Variants in ZNF37A observed in about 807,000 individuals in gnomAD.
ZNF37A encodes the protein zinc finger protein 37a (KOX 21).
Under a neutral mutation model 12.3 loss-of-function variants are expected in ZNF37A, and 10 were observed. That is an observed-to-expected ratio of 0.82 (90% CI 0.50 to 1.38). The LOEUF is 1.38. Among genes scored for constraint, ZNF37A ranks in the 40% most tolerant of loss-of-function variants. The probability of loss-of-function intolerance (pLI) is 0.00; values close to 1 mark genes in which losing one functional copy is unlikely to be tolerated. For missense variants in ZNF37A, 580 were observed against 651.2 expected, an observed-to-expected ratio of 0.89 and a Z score of 1.19; for synonymous variants, 207 against 223.0, an observed-to-expected ratio of 0.93 and a Z score of 0.64.
chr10:38,105,820 T>A (rs531629694), intron 5 of ZNF37A, among the ~76,000 whole-genome samples: 18 of 152,312 alleles, frequency 1.2e-4, no homozygotes, highest in Middle Eastern at 3.4e-3. Context: ...GTATTTTTTT[T>A]AAAAAAACCT....
At chr10:38,097,964 A>C (rs2067279858) in intron 5 of ZNF37A, among the ~76,000 whole-genome samples, 1 of 152,208 alleles carries the variant, frequency 6.6e-6, no homozygotes, top group African/African-American at 2.4e-5. Flanking sequence ...CTTAATAAGC[A>C]GTTGCTCCCT....
rs548225241 is a variant in ZNF37A at position 38,143,122 on chromosome 10, A to C, written c.239-3610A>C. 3 of 151,656 alleles carry C rather than the reference A, an allele frequency of 2.0e-5. No individual in the cohort carries two copies. In the South Asian group the frequency reaches 6.3e-4, roughly 32 times the overall value. 9.4% of individuals were successfully genotyped at this position (151,656 alleles called of 1,614,324 possible). A position where few individuals can be genotyped will look rare whatever the true frequency, so the allele number is the denominator to read the frequency against. On this transcript the variant is annotated intron_variant, in intron 7 of 7. Transcript: ENST00000638053. ...TGGCAGCCCACAGTGTGGATCTGGG[A>C]TACACAGGGTGAGCACAGGCTGTAG...
At position 38,145,680 on chromosome 10, in the gene ZNF37A, G is replaced by A. The variant is rs145552607; in HGVS notation, c.239-1052G>A. Among the ~76,000 whole-genome samples the A allele has an allele frequency of 9.2e-4, 140 of 152,278 alleles. No individual in the cohort carries two copies. The Middle Eastern group carries it at 0.01, about 11-fold the overall frequency. On this transcript the variant is annotated intron_variant, in intron 7 of 7. Coordinates refer to the ZNF37A transcript ENST00000638053. ...GTGCCTATACAGTTCATATTGGCTG[G>A]GGGCTCAGTCACTGTGGCAGATTTA...
In ZNF37A at chr10:38,118,107, G is replaced by T. The variant is rs1474627319; in HGVS notation, c.956G>T (p.Arg319Ile). Residue 319 changes from arginine to isoleucine, a missense_variant, in exon 8 of 8, where the codon AGA (arginine) becomes ATA (isoleucine). Coordinates refer to ENST00000685332, the MANE Select transcript of ZNF37A (RefSeq NM_001324250.3). ...YKNSDLIKHQ[R>I]IHTGERPYGC... Reference sequence around the variant, plus strand: ...AATTCAGACCTCATTAAACATCAAAGAATTCATACAGGGGAGAGACCTTAT... The same window carrying T: ...AATTCAGACCTCATTAAACATCAAATAATTCATACAGGGGAGAGACCTTAT... 5.0e-6 allele frequency: 8 copies of T among 1,613,508 alleles called. No individual in the cohort carries two copies. The African/African-American group carries it at 5.3e-5, about 11-fold the overall frequency.
chr10:38,127,943 G>C (rs1452280548), downstream of ZNF37A, among the ~76,000 whole-genome samples: 3 of 152,130 alleles, frequency 2.0e-5, no homozygotes, highest in Admixed American at 1.3e-4. Flanking sequence ...TTTAATACTT[G>C]GTATAATTCT....
intron 7 of ZNF37A, chr10:38,146,598 G>C (rs748963357): frequency 2.6e-6 from 1 of 386,838 alleles, no homozygotes; most frequent in African/African-American, 2.1e-5. Context: ...TCTACTTTCA[G>C]GGGATTTTTA....
intron 7 of ZNF37A, chr10:38,142,459 T>C (rs1025911757): frequency 6.6e-6 from 1 of 152,148 alleles, no homozygotes; most frequent in African/African-American, 2.4e-5. Flanking sequence ...CAAGCTTATA[T>C]TGTGAAAATA....
intron 5 of ZNF37A, among the ~76,000 whole-genome samples, chr10:38,096,896 G>A (rs2067196017): frequency 6.6e-6 from 1 of 152,062 alleles, no homozygotes; most frequent in African/African-American, 2.4e-5. Context: ...AGTTTTATTG[G>A]GACTCAGCTA....
intron 5 of ZNF37A, among the ~76,000 whole-genome samples, chr10:38,107,779 G>A (rs987617471): frequency 6.6e-6 from 1 of 152,070 alleles, no homozygotes; most frequent in Admixed American, 6.6e-5. Flanking sequence ...GTGGTAAAGG[G>A]ATCAATGCAA....
At chr10:38,129,319 A>AAAAAAAAAAACAAC, downstream of ZNF37A, among the ~76,000 whole-genome samples, 1 of 116,298 alleles carries the variant, frequency 8.6e-6, no homozygotes, top group African/African-American at 3.6e-5. Context: ...AAAAAAAAAA[A>AAAAAAAAAAACAAC]AAACTATTAT....
chr10:38,135,387 AAAAAC>A (rs1233859679), intron 7 of ZNF37A, among the ~76,000 whole-genome samples: 3 of 152,234 alleles, frequency 2.0e-5, no homozygotes, highest in Non-Finnish European at 4.4e-5. Flanking sequence ...TCCGTCTCAA[AAAAAC>A]AAAACAAAAC....
intron 5 of ZNF37A, 107 bp from the exon 6 acceptor site, chr10:38,114,648 C>T: frequency 7.0e-7 from 1 of 1,429,456 alleles, no homozygotes; most frequent in Non-Finnish European, 9.8e-7. Context: ...ATAACAGTTT[C>T]TATTTAATTT....
intron 5 of ZNF37A, among the ~76,000 whole-genome samples, chr10:38,113,588 C>G (rs1357286630): frequency 6.6e-6 from 1 of 152,168 alleles, no homozygotes; most frequent in Non-Finnish European, 1.5e-5. Context: ...CAACACCCAC[C>G]CTCCTGGTTC....
At chr10:38,134,524 C>T (rs1259798224) in intron 7 of ZNF37A, among the ~76,000 whole-genome samples, 1 of 152,226 alleles carries the variant, frequency 6.6e-6, no homozygotes, top group Non-Finnish European at 1.5e-5. Context: ...TCAGGACCCT[C>T]AGCTGCAGGT....
downstream of ZNF37A, chr10:38,125,601 C>T (rs1360443966): frequency 2.0e-5 from 3 of 152,096 alleles, no homozygotes; most frequent in Non-Finnish European, 4.4e-5. Flanking sequence ...GTGTAGCTGT[C>T]AATTTAAAAC....
intron 5 of ZNF37A, among the ~76,000 whole-genome samples, chr10:38,112,624 A>G (rs2068788878): frequency 1.3e-5 from 2 of 150,480 alleles, no homozygotes; most frequent in Non-Finnish European, 1.5e-5. Context: ...GGATTTATCT[A>G]TATTTTACAA....
chr10:38,144,459 T>C (rs558326599), intron 7 of ZNF37A: 2 of 152,236 alleles, frequency 1.3e-5, no homozygotes, highest in Non-Finnish European at 2.9e-5. Context: ...CACAGTCAAA[T>C]ACAATTATAA....
chr10:38,147,785 C>T (rs971605046), exon 8 of ZNF37A: 2 of 152,184 alleles, frequency 1.3e-5, no homozygotes, highest in African/African-American at 4.8e-5. Context: ...AATAAAGACA[C>T]CATCAAGGAA....
At chr10:38,128,756 A>G (rs1467205506), downstream of ZNF37A, among the ~76,000 whole-genome samples, 1 of 152,010 alleles carries the variant, frequency 6.6e-6, no homozygotes, top group Non-Finnish European at 1.5e-5. Flanking sequence ...ACTCTCATTC[A>G]ATGAAGTTCT....
Sources: gnomAD v4.1 joint callset for allele counts (sites outside exome capture counted in the v4.1 genomes callset) on GRCh38, gnomAD v4.1.1 for gene constraint, MANE v1.5 for transcripts, NCBI Gene and HGNC (gene_info 2026-07-23, HGNC 2026-07-21) for gene names.